The following STPG2 variants were observed in gnomAD, a reference collection of about 807,000 sequenced individuals.
The protein encoded by STPG2 is sperm-tail PG-rich repeat-containing protein 2.
In STPG2, 56 loss-of-function variants were observed where a neutral mutation model predicts 54.2. The observed-to-expected ratio is 1.03, with a 90% CI of 0.83 to 1.29. The LOEUF (loss-of-function observed/expected upper bound fraction) is 1.29, where lower values mean the gene tolerates loss of function less well. Ranked by LOEUF, STPG2 falls within the 50% of genes most tolerant of loss-of-function variation. STPG2 has a pLI of 0.00. For missense variants in STPG2, 596 were observed against 544.9 expected (o/e 1.09, Z -0.93); for synonymous variants, 200 against 181.8 (o/e 1.10, Z -0.81).
rs148912562 is a variant in STPG2, at chr4:97,953,001, C to T, written c.934-8994G>A. Among the ~76,000 whole-genome samples the T allele has an allele frequency of 2.4e-4, 37 of 152,152 alleles. 1 individual carries two copies. Among genetic ancestry groups the T allele is most frequent in the African/African-American group, 7.7e-4 (32 of 41,488 alleles). On this transcript the variant is annotated intron_variant, in intron 7 of 10. Coordinates refer to ENST00000295268, the MANE Select transcript of STPG2 (RefSeq NM_174952.3). ...GGGATTTGTACTTGCCTTATGTTACCCAGGGGAGATACTGTGGTTTCTCAG... is the reference window on the plus strand; with the variant it reads ...GGGATTTGTACTTGCCTTATGTTACTCAGGGGAGATACTGTGGTTTCTCAG...
At chr4:97,661,823 C>G (rs1340284776) in intron 10 of STPG2, among the ~76,000 whole-genome samples, 1 of 152,060 alleles carries the variant, frequency 6.6e-6, no homozygotes, top group African/African-American at 2.4e-5. Context: ...TAGGCCTGAT[C>G]TATCAAGAAC....
intron 10 of STPG2, among the ~76,000 whole-genome samples, chr4:97,665,235 C>T (rs147682053): frequency 3.9e-5 from 6 of 152,290 alleles, no homozygotes; most frequent in Non-Finnish European, 8.8e-5. Context: ...GCTCTGTTTG[C>T]GTTACAGCTC....
intron 4 of STPG2, among the ~76,000 whole-genome samples, chr4:97,448,575 T>G (rs1470791984): frequency 1.3e-5 from 2 of 152,172 alleles, no homozygotes; most frequent in African/African-American, 4.8e-5. Flanking sequence ...TTCTCCCACC[T>G]TGTGAAGAAG....
chr4:97,556,148 A>G (rs1388281880), downstream of STPG2, among the ~76,000 whole-genome samples: 1 of 152,154 alleles, frequency 6.6e-6, no homozygotes, highest in African/African-American at 2.4e-5. Flanking sequence ...TATAGGTAAC[A>G]TCTCCTACAT....
intron 8 of STPG2, among the ~76,000 whole-genome samples, chr4:97,913,792 C>A (rs757759664): frequency 2.6e-5 from 4 of 151,988 alleles, no homozygotes; most frequent in Non-Finnish European, 5.9e-5. Flanking sequence ...AAATGTTCTA[C>A]ATAATCTGAT....
intron 9 of STPG2, among the ~76,000 whole-genome samples, chr4:97,774,362 T>C (rs1726311560): frequency 6.6e-6 from 1 of 152,206 alleles, no homozygotes; most frequent in South Asian, 2.1e-4. Context: ...CTTATAATTC[T>C]GTTTTTATGG....
chr4:97,538,386 G>T (rs1289487891), intron 4 of STPG2, among the ~76,000 whole-genome samples: 5 of 152,280 alleles, frequency 3.3e-5, no homozygotes, highest in Non-Finnish European at 7.4e-5. Flanking sequence ...CAACAACTAC[G>T]TGACAAATGC....
intron 4 of STPG2, among the ~76,000 whole-genome samples, chr4:97,492,595 T>C (rs1192641653): frequency 6.6e-6 from 1 of 151,466 alleles, no homozygotes; most frequent in Non-Finnish European, 1.5e-5. Context: ...CTTTAGGGAT[T>C]GCCTAGAATG....
chr4:97,653,922 C>T (rs553712847), intron 10 of STPG2, among the ~76,000 whole-genome samples: 3 of 152,088 alleles, frequency 2.0e-5, no homozygotes, highest in Non-Finnish European at 2.9e-5. Flanking sequence ...TTTGATCCCA[C>T]AGGGAAACTT....
intron 8 of STPG2, among the ~76,000 whole-genome samples, chr4:97,930,133 G>A (rs573610065): frequency 1.4e-4 from 21 of 152,106 alleles, no homozygotes; most frequent in African/African-American, 4.8e-4. Flanking sequence ...TCCTGACCTC[G>A]TAATCTACCC....
chr4:97,707,697 G>A (rs933493631), intron 10 of STPG2, among the ~76,000 whole-genome samples: 12 of 151,906 alleles, frequency 7.9e-5, no homozygotes, highest in African/African-American at 2.9e-4. Flanking sequence ...GTAATTGGAT[G>A]AATAATAAAG....
chr4:97,861,381 GC>G (rs1370770891), intron 8 of STPG2, among the ~76,000 whole-genome samples: 2 of 152,120 alleles, frequency 1.3e-5, no homozygotes, highest in Admixed American at 1.3e-4. Context: ...GGAGCCTTTG[GC>G]CACTGTTGGT....
chr4:97,926,320 C>T (rs984179629), intron 8 of STPG2, among the ~76,000 whole-genome samples: 1 of 152,130 alleles, frequency 6.6e-6, no homozygotes, highest in Admixed American at 6.5e-5. Context: ...ATAAAACAGA[C>T]CTCAAATTCA....
intron 5 of STPG2, among the ~76,000 whole-genome samples, chr4:98,019,042 T>G (rs902313613): frequency 2.0e-5 from 3 of 151,910 alleles, no homozygotes; most frequent in Non-Finnish European, 4.4e-5. Context: ...ATTTGTCAAT[T>G]TTGGCTTTTG....
At chr4:97,570,459 C>T (rs1732569939) in intron 10 of STPG2, among the ~76,000 whole-genome samples, 3 of 152,000 alleles carry the variant, frequency 2.0e-5, no homozygotes, top group African/African-American at 7.2e-5. Flanking sequence ...TCTCCTTGCC[C>T]GTCCTCAATT....
At chr4:98,011,955 T>C (rs553782494) in intron 5 of STPG2, among the ~76,000 whole-genome samples, 29 of 152,218 alleles carry the variant, frequency 1.9e-4, no homozygotes, top group Non-Finnish European at 3.5e-4. Flanking sequence ...AGAAGCTCTT[T>C]AGTTTAAATA....
intron 9 of STPG2, among the ~76,000 whole-genome samples, chr4:97,761,830 A>G (rs1052382169): frequency 1.3e-5 from 2 of 152,156 alleles, no homozygotes; most frequent in African/African-American, 2.4e-5. Flanking sequence ...TGGAACTTCT[A>G]TTAAGTATTC....
At chr4:97,936,584 T>C (rs1732753516) in intron 8 of STPG2, among the ~76,000 whole-genome samples, 2 of 151,990 alleles carry the variant, frequency 1.3e-5, no homozygotes. Flanking sequence ...TGGTAATGAA[T>C]TCCCTCAGCA....
At chr4:97,892,555 G>A (rs1375303143) in intron 8 of STPG2, among the ~76,000 whole-genome samples, 2 of 152,170 alleles carry the variant, frequency 1.3e-5, no homozygotes, top group Non-Finnish European at 2.9e-5. Context: ...TCTTGGAGGA[G>A]CTAGGGACTT....
Sources: gnomAD v4.1 joint callset for allele counts (sites outside exome capture counted in the v4.1 genomes callset) on GRCh38, gnomAD v4.1.1 for gene constraint, MANE v1.5 for transcripts, NCBI Gene and HGNC (gene_info 2026-07-23, HGNC 2026-07-21) for gene names.